SH3TC2: variants seen among roughly 807,000 people sequenced by gnomAD.
SH3TC2 encodes the protein SH3 domain and tetratricopeptide repeat-containing protein 2.
Under a neutral mutation model 124.5 loss-of-function variants are expected in SH3TC2, and 87 were observed. That is an observed-to-expected ratio of 0.70 (90% CI 0.59 to 0.84). The LOEUF (loss-of-function observed/expected upper bound fraction) is 0.84. SH3TC2 is among the 40% of genes least tolerant of loss of function. SH3TC2 has a pLI of 0.00. For synonymous variants in SH3TC2, 634 were observed against 628.5 expected (o/e 1.01, Z -0.13); for missense variants, 1,536 against 1,566.4 (o/e 0.98, Z 0.33).
chr5:149,026,254 A>G lies in SH3TC2; in HGVS notation c.3053+318T>C, dbSNP rs1580899231. On this transcript the variant is annotated intron_variant, in intron 12 of 16. Transcript: ENST00000515425. ...AGTAACAGTGGCATTACTGAGACCT[A>G]TCTATGTATCAGGCACAGTTATGAG... 1.4e-4 allele frequency: 51 copies of G among 367,798 alleles called. 1 individual carries two copies. Among genetic ancestry groups the G allele is most frequent in the South Asian group, 1.4e-3 (50 of 36,690 alleles). 22.8% of individuals were successfully genotyped at this position (367,798 alleles called of 1,614,324 possible).
chr5:149,031,473 G>T, intron 9 of SH3TC2, 81 bp downstream of exon 9: 4 of 1,568,502 alleles, frequency 2.6e-6, no homozygotes, highest in Non-Finnish European at 2.6e-6. Context: ...AGAATTTAGG[G>T]GTATTCTATT....
chr5:149,031,592 G>A lies in SH3TC2; in HGVS notation c.1097C>T (p.Thr366Ile). The stretch of plus-strand genomic sequence containing the variant: ...AGATGTGATGTCAGTGCGAGCAAGA[G>A]TGTGGAGGAAGCTGGAACACTCAGT... The part of the protein sequence containing the change: ...KQTECSSFLH[T>I]LARTDITSVY... Residue 366 changes from threonine (T) to isoleucine (I), a missense_variant, in exon 9 of 17, where the codon ACT (threonine) becomes ATT (isoleucine). Thr to Ile is a moderately conservative substitution (Grantham distance 89, BLOSUM62 -1). Transcript: ENST00000515425. 1 of 1,614,182 alleles carries A rather than the reference G, an allele frequency of 6.2e-7. No homozygotes were observed. The highest frequency in any genetic ancestry group is 1.3e-5 in the African/African-American group (1 of 75,040).
chr5:149,047,440 G>C (rs1008482472), intron 3 of SH3TC2: 1 of 249,882 alleles, frequency 4.0e-6, no homozygotes, highest in African/African-American at 2.3e-5. Context: ...GTGTCATAGA[G>C]AATCATACAC....
Position 148,984,777 on chromosome 5 carries a change from AGAGAACTTAT to A in SH3TC2, c.*19924_*19933del, listed in dbSNP as rs1753307701. Among the ~76,000 whole-genome samples the A allele has an allele frequency of 1.3e-5, 2 of 152,304 alleles. No individual in the cohort carries two copies. The highest frequency in any genetic ancestry group is 4.1e-4 in the South Asian group (2 of 4,824). On this transcript the variant is annotated 3_prime_UTR_variant, in exon 17 of 17. Coordinates refer to ENST00000515425, the MANE Select transcript of SH3TC2 (RefSeq NM_024577.4). ...AAATTTGTTCCCAGTATCTGACCTA[AGAGAACTTAT>A]ACTCAGAAGGAGGCATCTGCTTCCT... is the stretch of plus-strand genomic sequence containing the variant.
rs867509336 is a variant in SH3TC2 at position 149,041,501 on chromosome 5, C to T, written c.646G>A (p.Glu216Lys). Residue 216 changes from glutamate to lysine, a missense_variant, in exon 6 of 17, where the codon GAG becomes AAG. This residue lies in a region of SH3TC2 where 1,102 missense variants were observed against 1,098.6 expected (regional missense o/e 1.00). Coordinates refer to ENST00000515425, the MANE Select transcript of SH3TC2 (RefSeq NM_024577.4). ...ISVKMAEAGS[E>K]LEGVSLVTGQ... ...GTCACCAAAGACACGCCTTCCAACT[C>T]GGAGCCAGCTTCTGCCATCTTCACT... The T allele has an allele frequency of 3.1e-6, 5 of 1,614,084 alleles. No individual in the cohort carries two copies. Among genetic ancestry groups the T allele is most frequent in the Non-Finnish European group, 4.2e-6 (5 of 1,180,052 alleles).
At chr5:149,028,596 C>T (rs1014315536) in intron 10 of SH3TC2, 42 bp from the exon 11 acceptor site, 24 of 1,614,178 alleles carry the variant, frequency 1.5e-5, no homozygotes, top group Non-Finnish European at 2.0e-5. Context: ...GGCACCTGCA[C>T]CTAAGGTGGC....
At chr5:149,062,191 A>C (rs1024405900) in intron 1 of SH3TC2, 1 of 399,556 alleles carries the variant, frequency 2.5e-6, no homozygotes, top group African/African-American at 2.1e-5. Context: ...CCTATCTCCC[A>C]AGCAAGCCTC....
In SH3TC2 at chr5:149,003,973, T is replaced by G; in HGVS notation, c.*738A>C. The G allele has an allele frequency of 3.7e-6, 1 of 269,238 alleles. No individual in the cohort carries two copies. The highest frequency in any genetic ancestry group is 3.3e-5 in the South Asian group (1 of 29,878). 16.7% of individuals were successfully genotyped at this position (269,238 alleles called of 1,614,324 possible). A position where few individuals can be genotyped will look rare whatever the true frequency, so the allele number is the denominator to read the frequency against. On this transcript the variant is annotated 3_prime_UTR_variant, in exon 17 of 17. Coordinates refer to ENST00000515425, the MANE Select transcript of SH3TC2 (RefSeq NM_024577.4). ...TGTGTAAATGTAACTGGACAATATT[T>G]AATCATATACACTATTTACATGTAA...
In SH3TC2 at chr5:149,026,712, G is replaced by A. The variant is rs13436308; in HGVS notation, c.2913C>T (p.Ser971=). 7.5e-4 allele frequency: 1,217 copies of A among 1,614,186 alleles called. 12 individuals are homozygous for A. In the African/African-American group the frequency reaches 0.014, roughly 19 times the overall value. The part of the protein sequence containing the change: ...QATKSLCHFY[S]SVSPNPEACI... ...ATGCCTCAGGGTTTGGGGACACAGAGCTGTAGAAATGGCAGAGGGATTTGG... is the reference window on the plus strand; with the variant it reads ...ATGCCTCAGGGTTTGGGGACACAGAACTGTAGAAATGGCAGAGGGATTTGG... The change falls in exon 12 of 17, where the codon AGC becomes AGT. Residue 971 remains serine, a synonymous_variant. Transcript: ENST00000515425.
rs372841815 is a variant in SH3TC2, at chr5:149,028,264, A to C, written c.1468T>G (p.Ser490Ala). Residue 490 changes from serine to alanine, a missense_variant, in exon 11 of 17, where the codon TCC becomes GCC. Around this residue, in one of 3 missense-constraint regions of SH3TC2, gnomAD observed 1,102 missense variants for 1,098.6 expected, o/e 1.00. Coordinates refer to ENST00000515425, the MANE Select transcript of SH3TC2 (RefSeq NM_024577.4). ...AAGGAAGAAGTGAGGAAAGAGAAGGAGAAGTCATAGAGACTCTTAAAGTGG... is the reference window on the plus strand; with the variant it reads ...AAGGAAGAAGTGAGGAAAGAGAAGGCGAAGTCATAGAGACTCTTAAAGTGG... ...ADHFKSLYDFSFSFLTSSFYS... is the reference protein window; with the variant it reads ...ADHFKSLYDFAFSFLTSSFYS... 8 of 1,613,890 alleles carry C rather than the reference A, an allele frequency of 5.0e-6. No homozygotes were observed. Among genetic ancestry groups the C allele is most frequent in the Non-Finnish European group, 6.8e-6 (8 of 1,180,048 alleles).
rs371370940 is a variant in SH3TC2, at chr5:148,993,737, C to A, written c.*10974G>T. ...CTCTGACAAGGGAGGCAGACTGAGA[C>A]CATCACTGTCACATGCTCACTTGAA... On this transcript the variant is annotated 3_prime_UTR_variant, in exon 17 of 17. Coordinates refer to ENST00000515425, the MANE Select transcript of SH3TC2 (RefSeq NM_024577.4). Among the ~76,000 whole-genome samples the A allele has an allele frequency of 6.6e-6, 1 of 152,150 alleles. No individual in the cohort carries two copies. The highest frequency in any genetic ancestry group is 1.5e-5 in the Non-Finnish European group (1 of 68,038).
At chr5:149,008,193 A>T (rs1050587089) in intron 15 of SH3TC2, 2 of 158,580 alleles carry the variant, frequency 1.3e-5, no homozygotes, top group African/African-American at 4.8e-5. Context: ...CCTTACATCT[A>T]ATCAAGGCTT....
intron 1 of SH3TC2, among the ~76,000 whole-genome samples, chr5:149,060,411 C>A (rs1316010129): frequency 6.6e-6 from 1 of 152,168 alleles, no homozygotes; most frequent in East Asian, 1.9e-4. Flanking sequence ...CAGTTGAGAG[C>A]CATCCCAGGG....
intron 12 of SH3TC2, among the ~76,000 whole-genome samples, chr5:149,016,924 C>CAAA (rs753867645): frequency 3.2e-5 from 3 of 92,950 alleles, no homozygotes; most frequent in South Asian, 3.4e-4. Flanking sequence ...GACTCCGTCT[C>CAAA]AAAAAAAAAA....
In SH3TC2 at chr5:149,041,445, G is replaced by A. The variant is rs1242725383; in HGVS notation, c.702C>T (p.Ala234=). 8 of 1,613,322 alleles carry A rather than the reference G, an allele frequency of 5.0e-6. No individual in the cohort carries two copies. Among genetic ancestry groups the A allele is most frequent in the Non-Finnish European group, 6.8e-6 (8 of 1,180,012 alleles). The change falls in exon 6 of 17, where the codon GCC becomes GCT. Residue 234 remains alanine (A), a synonymous_variant. Coordinates refer to ENST00000515425, the MANE Select transcript of SH3TC2 (RefSeq NM_024577.4). ...GGAAAGGGAGAGGCAGAGGCTCCAAGGCTGACACCAGTACCAGGCCCCGCT... is the reference window on the plus strand; with the variant it reads ...GGAAAGGGAGAGGCAGAGGCTCCAAAGCTGACACCAGTACCAGGCCCCGCT... ...TGQRGLVLVS[A]LEPLPLPFHQ...
chr5:149,022,271 G>A (rs1398882934), intron 12 of SH3TC2, among the ~76,000 whole-genome samples: 3 of 152,096 alleles, frequency 2.0e-5, no homozygotes, highest in Non-Finnish European at 4.4e-5. Context: ...CAAAGGGCTA[G>A]AAGCAAATGA....
Position 149,025,568 on chromosome 5 carries a change from T to G in SH3TC2, c.3053+1004A>C, listed in dbSNP as rs147695575. Among the ~76,000 whole-genome samples, 3 of 152,362 alleles carry G rather than the reference T, an allele frequency of 2.0e-5. No individual in the cohort carries two copies. In the East Asian group the frequency reaches 5.8e-4, roughly 29 times the overall value. The stretch of plus-strand genomic sequence containing the variant: ...ACTGCAAAGCAAATCTGTTGCAAAG[T>G]GAACTTGAAGATCTTGCAAACCACA... On this transcript the variant is annotated intron_variant, in intron 12 of 16. Coordinates refer to ENST00000515425, the MANE Select transcript of SH3TC2 (RefSeq NM_024577.4).
intron 9 of SH3TC2, among the ~76,000 whole-genome samples, chr5:149,030,708 G>A (rs1754176169): frequency 6.6e-6 from 1 of 152,210 alleles, no homozygotes; most frequent in Non-Finnish European, 1.5e-5. Context: ...TCTACTCCTG[G>A]GAGATGGCCT....
At chr5:149,047,693 C>A in intron 3 of SH3TC2, 169 bp downstream of exon 3, 1 of 916,978 alleles carries the variant, frequency 1.1e-6, no homozygotes, top group South Asian at 1.4e-5. Context: ...CCACTCCTCT[C>A]CACTCCTGTG....
Sources: allele counts gnomAD v4.1 joint callset (sites outside exome capture counted in the v4.1 genomes callset), GRCh38; gene constraint gnomAD v4.1.1; regional missense constraint gnomAD v4.1.1; transcripts MANE v1.5; gene names NCBI Gene and HGNC (gene_info 2026-07-23, HGNC 2026-07-21).